The following RSRC1 variants were observed in gnomAD, a reference collection of about 807,000 sequenced individuals.
The protein encoded by RSRC1 is arginine and serine rich coiled-coil 1.
Under a neutral mutation model 49.1 loss-of-function variants are expected in RSRC1, and 39 were observed. The observed-to-expected ratio is 0.79, with a 90% CI of 0.61 to 1.04. The LOEUF (loss-of-function observed/expected upper bound fraction) is 1.04. Among genes scored for constraint, RSRC1 ranks in the 50% least tolerant of loss-of-function variants. The pLI, the probability that RSRC1 is intolerant of heterozygous loss-of-function variation, is 0.00. For synonymous variants in RSRC1, 143 were observed against 130.8 expected, an observed-to-expected ratio of 1.09 and a Z score of -0.63; for missense variants, 388 against 402.4, an observed-to-expected ratio of 0.96 and a Z score of 0.31.
chr3:158,114,981 C>G (rs575758571), intron 1 of RSRC1, among the ~76,000 whole-genome samples: 1 of 152,048 alleles, frequency 6.6e-6, no homozygotes, highest in South Asian at 2.1e-4. Context: ...ATTCGAATAC[C>G]CTTTGTTTTT....
intron 7 of RSRC1, among the ~76,000 whole-genome samples, chr3:158,518,381 T>A (rs1394702911): frequency 1.3e-5 from 2 of 151,248 alleles, no homozygotes; most frequent in Admixed American, 6.6e-5. Context: ...AAAGATTTTT[T>A]TTTTTGTCAA....
At chr3:158,273,205 A>G (rs1725619112) in intron 4 of RSRC1, among the ~76,000 whole-genome samples, 1 of 152,060 alleles carries the variant, frequency 6.6e-6, no homozygotes, top group Non-Finnish European at 1.5e-5. Context: ...TCGTTTTATT[A>G]GTTCAGATAG....
chr3:158,351,918 TATATATATAA>T, intron 5 of RSRC1, among the ~76,000 whole-genome samples: 1 of 146,960 alleles, frequency 6.8e-6, no homozygotes, highest in South Asian at 2.1e-4. Flanking sequence ...ATAAATATTA[TATATATATAA>T]ATATATATAA....
At chr3:158,372,986 A>G (rs966686355) in intron 6 of RSRC1, among the ~76,000 whole-genome samples, 2 of 151,708 alleles carry the variant, frequency 1.3e-5, no homozygotes, top group Non-Finnish European at 3.0e-5. Context: ...TTAAGTTTTT[A>G]TTTCCAATTC....
chr3:158,332,785 A>ATT (rs36063625), intron 5 of RSRC1, among the ~76,000 whole-genome samples: 3 of 151,238 alleles, frequency 2.0e-5, no homozygotes, highest in Non-Finnish European at 2.9e-5. Context: ...ATTATTTTGA[A>ATT]TTTTTTTTTC....
chr3:158,387,072 T>TA (rs201412620), intron 6 of RSRC1, among the ~76,000 whole-genome samples: 1,509 of 150,734 alleles, frequency 0.01, 11 homozygotes, highest in Non-Finnish European at 0.015. Context: ...ACATTTTCAT[T>TA]AAAAAAAAAG....
At chr3:158,527,201 G>A (rs1404254753) in intron 7 of RSRC1, among the ~76,000 whole-genome samples, 2 of 151,000 alleles carry the variant, frequency 1.3e-5, no homozygotes, top group African/African-American at 2.4e-5. Context: ...AGCTGACTGG[G>A]CTGGCACCAA....
chr3:158,470,361 C>CACATATAT (rs756776025), intron 7 of RSRC1, among the ~76,000 whole-genome samples: 4,219 of 99,958 alleles, frequency 0.042, 94 homozygotes, highest in Middle Eastern at 0.086. Flanking sequence ...CACACACACA[C>CACATATAT]ATATATATAT....
In RSRC1 at chr3:158,515,261, G is replaced by A. The variant is rs1039352551; in HGVS notation, c.653-21831G>A. Among the ~76,000 whole-genome samples, 31 of 151,910 alleles carry A rather than the reference G, an allele frequency of 2.0e-4. 1 individual carries two copies. Among genetic ancestry groups the A allele is most frequent in the Admixed American group, 1.3e-3 (20 of 15,244 alleles). ...TTGGTTGTTCCTTTCCATGTTTAGC[G>A]CTTCCTTCAGGAGCTCTTTTAGGGC... On this transcript the variant is annotated intron_variant, in intron 7 of 9. Coordinates refer to ENST00000611884, the MANE Select transcript of RSRC1 (RefSeq NM_001271838.2).
At chr3:158,527,681 A>G (rs1280845688) in intron 7 of RSRC1, among the ~76,000 whole-genome samples, 1 of 151,860 alleles carries the variant, frequency 6.6e-6, no homozygotes, top group Non-Finnish European at 1.5e-5. Flanking sequence ...TTTCAACACA[A>G]TTTTTTAAAA....
At chr3:158,134,841 G>A (rs1396838123) in intron 3 of RSRC1, among the ~76,000 whole-genome samples, 2 of 152,144 alleles carry the variant, frequency 1.3e-5, no homozygotes, top group Admixed American at 6.5e-5. Context: ...GAGTTGTCAC[G>A]TTAATTGTAA....
intron 3 of RSRC1, among the ~76,000 whole-genome samples, chr3:158,130,786 AT>A (rs1715966815): frequency 6.6e-6 from 1 of 152,116 alleles, no homozygotes. Context: ...AATATAAGTA[AT>A]TTTGTACATG....
At chr3:158,152,082 GT>G (rs67052238) in intron 3 of RSRC1, among the ~76,000 whole-genome samples, 96,188 of 148,752 alleles carry the variant, frequency 0.65, 31,691 homozygotes, top group African/African-American at 0.79. Flanking sequence ...TGGGCAAAAT[GT>G]TTTTTTTTTT....
chr3:158,206,675 A>G (rs1023647624), intron 4 of RSRC1, among the ~76,000 whole-genome samples: 1 of 152,144 alleles, frequency 6.6e-6, no homozygotes, highest in Non-Finnish European at 1.5e-5. Context: ...GCACTTTGGG[A>G]GGCCGAGGCG....
At chr3:158,274,797 G>T (rs1402245963) in intron 4 of RSRC1, among the ~76,000 whole-genome samples, 1 of 152,162 alleles carries the variant, frequency 6.6e-6, no homozygotes, top group Non-Finnish European at 1.5e-5. Context: ...GATTTTTAGG[G>T]TAGTTTGGCC....
intron 3 of RSRC1, among the ~76,000 whole-genome samples, chr3:158,156,162 AGCACGTACT>A (rs540738652): frequency 1.1e-3 from 168 of 152,348 alleles, no homozygotes; most frequent in African/African-American, 3.9e-3. Context: ...GTCCTCTATC[AGCACGTACT>A]GCTTCACCTT....
At chr3:158,406,840 G>A (rs1444539787) in intron 6 of RSRC1, among the ~76,000 whole-genome samples, 1 of 152,084 alleles carries the variant, frequency 6.6e-6, no homozygotes, top group Non-Finnish European at 1.5e-5. Flanking sequence ...TAATGCCATT[G>A]ATCAATGATT....
chr3:158,247,394 G>A (rs1280959595), intron 4 of RSRC1, among the ~76,000 whole-genome samples: 2 of 152,156 alleles, frequency 1.3e-5, no homozygotes, highest in African/African-American at 4.8e-5. Flanking sequence ...CCTCAGCCCA[G>A]TTCTGAGCCC....
chr3:158,340,713 G>T (rs1478656822), intron 5 of RSRC1, among the ~76,000 whole-genome samples: 1 of 152,124 alleles, frequency 6.6e-6, no homozygotes, highest in East Asian at 1.9e-4. Flanking sequence ...CAGTAAATTG[G>T]TACCAATAGA....
Sources: gnomAD v4.1 joint callset for allele counts (sites outside exome capture counted in the v4.1 genomes callset) on GRCh38, gnomAD v4.1.1 for gene constraint, MANE v1.5 for transcripts, NCBI Gene and HGNC (gene_info 2026-07-23, HGNC 2026-07-21) for gene names.